SPPL3: variants seen among roughly 807,000 people sequenced by gnomAD.
SPPL3 encodes signal peptide peptidase like 3, also known as signal peptide peptidase-like 3.
A neutral mutation model predicts 42.4 loss-of-function variants in SPPL3; 5 were observed. The ratio of observed to expected loss-of-function variants is 0.12; its 90% CI spans 0.06 to 0.25. SPPL3 has a LOEUF of 0.25. Among genes scored for constraint, SPPL3 ranks in the 10% least tolerant of loss-of-function variants. The pLI is 1.00. For missense variants in SPPL3, 235 were observed against 489.0 expected (o/e 0.48, Z 4.90); for synonymous variants, 195 against 181.8 (o/e 1.07, Z -0.58).
At chr12:120,802,462 T>C (rs570000226) in intron 2 of SPPL3, among the ~76,000 whole-genome samples, 1 of 143,128 alleles carries the variant, frequency 7.0e-6, no homozygotes. Context: ...TGAGATGGAG[T>C]CTCAGTTTGT....
intron 6 of SPPL3, among the ~76,000 whole-genome samples, chr12:120,776,642 T>TAGGAC (rs1258061818): frequency 6.6e-6 from 1 of 152,086 alleles, no homozygotes; most frequent in Admixed American, 6.6e-5. Flanking sequence ...AATGCTAAGA[T>TAGGAC]AGGACAGAGC....
chr12:120,834,698 G>A (rs1871548173), intron 1 of SPPL3, among the ~76,000 whole-genome samples: 1 of 152,162 alleles, frequency 6.6e-6, no homozygotes, highest in Non-Finnish European at 1.5e-5. Context: ...ACCAGTAAAT[G>A]AAGGTCCTAT....
At chr12:120,844,838 G>C (rs1039118378) in intron 1 of SPPL3, among the ~76,000 whole-genome samples, 1 of 150,400 alleles carries the variant, frequency 6.6e-6, no homozygotes, top group African/African-American at 2.4e-5. Flanking sequence ...TCTCAGCACT[G>C]AACAGAAAGT....
At chr12:120,901,796 G>T in intron 1 of SPPL3, 1 of 685,562 alleles carries the variant, frequency 1.5e-6, no homozygotes, top group Non-Finnish European at 1.8e-6. Flanking sequence ...GAATAAATTT[G>T]TAAATTGTCA....
intron 1 of SPPL3, chr12:120,835,632 T>C (rs542971354): frequency 2.0e-5 from 3 of 152,368 alleles, no homozygotes; most frequent in African/African-American, 7.2e-5. Context: ...TCTATGTTGA[T>C]AGTATCTTGA....
chr12:120,771,444 G>A (rs967254686), intron 6 of SPPL3, among the ~76,000 whole-genome samples: 3 of 152,198 alleles, frequency 2.0e-5, no homozygotes, highest in Non-Finnish European at 2.9e-5. Flanking sequence ...AGTTCTTCAC[G>A]CAAGTACTAG....
At chr12:120,785,070 A>G (rs1869671259) in intron 3 of SPPL3, among the ~76,000 whole-genome samples, 2 of 152,020 alleles carry the variant, frequency 1.3e-5, no homozygotes, top group South Asian at 2.1e-4. Flanking sequence ...GATGGGGGAG[A>G]AGGAGGACAA....
In SPPL3 at chr12:120,778,111, ATTTTTTTTTT is replaced by A. The variant is rs57779322; in HGVS notation, c.502+4534_502+4543del. Among the ~76,000 whole-genome samples, 31 of 90,946 alleles carry A rather than the reference ATTTTTTTTTT, an allele frequency of 3.4e-4. No individual in the cohort carries two copies. The East Asian group carries it at 7.2e-3, about 21-fold the overall frequency. The allele number at this position is 90,946 out of a possible 152,430, so 59.7% of individuals were successfully genotyped here. A position where few individuals can be genotyped will look rare whatever the true frequency, so the allele number is the denominator to read the frequency against. On this transcript the variant is annotated intron_variant, in intron 6 of 10. Coordinates refer to ENST00000353487, the MANE Select transcript of SPPL3 (RefSeq NM_139015.5). ...TTATTTCCAAAATGACTGAAAAGCA[ATTTTTTTTTT>A]TTTTTTTTTTTTTGAGATGGAGTCT...
At chr12:120,843,069 T>C (rs560784347) in intron 1 of SPPL3, among the ~76,000 whole-genome samples, 1 of 152,274 alleles carries the variant, frequency 6.6e-6, no homozygotes, top group Admixed American at 6.5e-5. Flanking sequence ...TCCCCAGGAA[T>C]GCAGATACAA....
intron 1 of SPPL3, among the ~76,000 whole-genome samples, chr12:120,900,599 A>G (rs75041255): frequency 7.0e-6 from 1 of 142,480 alleles, no homozygotes; most frequent in Non-Finnish European, 1.6e-5. Flanking sequence ...GTCTCAAGGA[A>G]AAAAAAAAAA....
chr12:120,788,565 T>C (rs2136983130), intron 3 of SPPL3, among the ~76,000 whole-genome samples: 1 of 152,304 alleles, frequency 6.6e-6, no homozygotes, highest in Middle Eastern at 3.4e-3. Flanking sequence ...GACAGTCAAA[T>C]CATTTCTGAC....
intron 1 of SPPL3, among the ~76,000 whole-genome samples, chr12:120,891,916 A>G (rs1873655956): frequency 6.6e-6 from 1 of 152,214 alleles, no homozygotes; most frequent in African/African-American, 2.4e-5. Flanking sequence ...AATGAAGAAG[A>G]GCGCTCTAAA....
intron 1 of SPPL3, chr12:120,835,539 T>G (rs1163249681): frequency 4.6e-5 from 7 of 152,250 alleles, no homozygotes; most frequent in Non-Finnish European, 1.0e-4. Flanking sequence ...CTTAACATTT[T>G]ATAGTCAGAA....
chr12:120,805,072 G>A (rs182057746), intron 2 of SPPL3, among the ~76,000 whole-genome samples: 9 of 152,210 alleles, frequency 5.9e-5, no homozygotes, highest in African/African-American at 2.2e-4. Flanking sequence ...AGGGCTGGCG[G>A]GCAGGGAAAG....
intron 1 of SPPL3, among the ~76,000 whole-genome samples, 191 bp downstream of exon 1, chr12:120,903,653 TC>T (rs1374961665): frequency 2.0e-5 from 3 of 151,608 alleles, no homozygotes; most frequent in Non-Finnish European, 4.4e-5. Flanking sequence ...GGACGCCAGG[TC>T]CCCGGCCACT....
intron 1 of SPPL3, among the ~76,000 whole-genome samples, chr12:120,868,076 C>G (rs965740290): frequency 2.6e-5 from 4 of 152,076 alleles, no homozygotes; most frequent in Admixed American, 1.3e-4. Flanking sequence ...TCAGCCCAGG[C>G]AACACAGTGA....
intron 1 of SPPL3, among the ~76,000 whole-genome samples, chr12:120,814,539 CAT>C (rs1429689378): frequency 6.6e-6 from 1 of 152,126 alleles, no homozygotes; most frequent in Non-Finnish European, 1.5e-5. Context: ...TGCTGTGTGA[CAT>C]AATCTTTGCA....
intron 1 of SPPL3, among the ~76,000 whole-genome samples, chr12:120,882,708 A>G (rs1053024127): frequency 2.0e-5 from 3 of 152,166 alleles, no homozygotes; most frequent in African/African-American, 7.2e-5. Context: ...TTACCATTTT[A>G]ACATTACTTT....
At chr12:120,888,009 C>T (rs1170014918) in intron 1 of SPPL3, among the ~76,000 whole-genome samples, 2 of 152,200 alleles carry the variant, frequency 1.3e-5, no homozygotes, top group Admixed American at 6.5e-5. Flanking sequence ...CCAAAGTATT[C>T]ACCCAAGAGA....
Sources: allele counts gnomAD v4.1 joint callset (sites outside exome capture counted in the v4.1 genomes callset), GRCh38; gene constraint gnomAD v4.1.1; transcripts MANE v1.5; gene names NCBI Gene and HGNC (gene_info 2026-07-23, HGNC 2026-07-21).